The following EEF1AKMT2 variants were observed in gnomAD, a reference collection of about 807,000 sequenced individuals.
EEF1AKMT2 encodes the protein EEF1A lysine methyltransferase 2.
EEF1AKMT2 carries 32 observed loss-of-function variants against 35.8 expected under a neutral mutation model. The ratio of observed to expected loss-of-function variants is 0.89; its 90% confidence interval spans 0.67 to 1.20. The LOEUF is 1.20. Ranked by LOEUF, EEF1AKMT2 falls within the 50% of genes most tolerant of loss-of-function variation. EEF1AKMT2 has a pLI of 0.00. For missense variants in EEF1AKMT2, 330 were observed against 347.5 expected, an observed-to-expected ratio of 0.95 and a Z score of 0.40; for synonymous variants, 121 against 133.7, an observed-to-expected ratio of 0.91 and a Z score of 0.65.
At chr10:124,769,469 G>C (rs1193377892) in intron 4 of EEF1AKMT2, among the ~76,000 whole-genome samples, 1 of 151,706 alleles carries the variant, frequency 6.6e-6, no homozygotes. Context: ...TGGAAGTTTT[G>C]AACAGGCAGA....
At chr10:124,762,185 TC>T in intron 6 of EEF1AKMT2, 114 bp downstream of exon 6, 1 of 816,264 alleles carries the variant, frequency 1.2e-6, no homozygotes. Context: ...GCCATCAAAT[TC>T]ACTGTGATTT....
chr10:124,788,484 T>C (rs1361369946), intron 3 of EEF1AKMT2, among the ~76,000 whole-genome samples: 2 of 151,876 alleles, frequency 1.3e-5, no homozygotes, highest in African/African-American at 2.4e-5. Flanking sequence ...TTTATTTCTG[T>C]ACTAATTAAG....
At chr10:124,787,229 T>C (rs1031878871) in intron 3 of EEF1AKMT2, among the ~76,000 whole-genome samples, 5 of 152,002 alleles carry the variant, frequency 3.3e-5, no homozygotes, top group Non-Finnish European at 1.5e-5. Context: ...ATTACAGGCA[T>C]GAGCCACAGC....
At chr10:124,784,602 G>C (rs1204526508) in intron 3 of EEF1AKMT2, among the ~76,000 whole-genome samples, 2 of 139,306 alleles carry the variant, frequency 1.4e-5, no homozygotes, top group Non-Finnish European at 3.2e-5. Flanking sequence ...AAATCAGGAA[G>C]AAAAAAAAAA....
At chr10:124,766,496 C>T (rs772826482) in intron 4 of EEF1AKMT2, among the ~76,000 whole-genome samples, 16 of 152,062 alleles carry the variant, frequency 1.1e-4, no homozygotes, top group Non-Finnish European at 1.9e-4. Context: ...AGCAATCCGC[C>T]TCAATTTTAT....
chr10:124,761,408 GTATGT>G (rs1950330182), intron 6 of EEF1AKMT2, among the ~76,000 whole-genome samples: 1 of 152,072 alleles, frequency 6.6e-6, no homozygotes, highest in Non-Finnish European at 1.5e-5. Context: ...TTATAAAATG[GTATGT>G]TATGTGTATT....
In EEF1AKMT2 at chr10:124,759,032, TA is replaced by T. The variant is rs1342468214; in HGVS notation, c.*1470del. ...CCCCTCCCCAAAAAGAAAAGGGACG[TA>T]ATGTTAGACTTACTCAATACAGGAG... On this transcript the variant is annotated 3_prime_UTR_variant, in exon 7 of 7. Transcript: ENST00000368836. 6.6e-6 allele frequency: 1 copy of T among 152,180 alleles called. No homozygotes were observed. The highest frequency in any genetic ancestry group is 1.5e-5 in the Non-Finnish European group (1 of 68,028). 9.4% of individuals were successfully genotyped at this position (152,180 alleles called of 1,614,324 possible). A position where few individuals can be genotyped will look rare whatever the true frequency, so the allele number is the denominator to read the frequency against.
At chr10:124,784,492 T>A (rs745748029) in intron 3 of EEF1AKMT2, among the ~76,000 whole-genome samples, 16 of 151,888 alleles carry the variant, frequency 1.1e-4, no homozygotes, top group Non-Finnish European at 1.6e-4. Flanking sequence ...TGCTTACTGA[T>A]AAATTCATAG....
In EEF1AKMT2 at chr10:124,783,633, AACTT is replaced by A. The variant is rs1368734382; in HGVS notation, c.291+5406_291+5409del. On this transcript the variant is annotated intron_variant, in intron 3 of 6. Coordinates refer to ENST00000368836, the MANE Select transcript of EEF1AKMT2 (RefSeq NM_212554.4). ...AAGTGAAAACATATGTACACACAAA[AACTT>A]ACATATGAATTTTCCTTTGTTTTTG... 2.6e-5 allele frequency among the ~76,000 whole-genome samples: 4 copies of A among 151,880 alleles called. No individual in the cohort carries two copies. In the East Asian group the frequency reaches 7.8e-4, roughly 29 times the overall value.
chr10:124,785,246 C>CAAAAAAA (rs35915292), intron 3 of EEF1AKMT2, among the ~76,000 whole-genome samples: 17 of 61,362 alleles, frequency 2.8e-4, no homozygotes, highest in African/African-American at 5.1e-4. Context: ...GACTCCGTCT[C>CAAAAAAA]AAAAAAAAAA....
chr10:124,772,419 T>G (rs1950444893), intron 4 of EEF1AKMT2, among the ~76,000 whole-genome samples: 1 of 131,074 alleles, frequency 7.6e-6, no homozygotes, highest in African/African-American at 2.7e-5. Flanking sequence ...CTTTTCTTTT[T>G]CTTTTTTTTT....
intron 4 of EEF1AKMT2, among the ~76,000 whole-genome samples, chr10:124,770,189 C>T (rs1428849494): frequency 2.0e-5 from 3 of 151,770 alleles, no homozygotes; most frequent in Admixed American, 6.6e-5. Context: ...GGGGCCGAGG[C>T]GGGTGGATCA....
At chr10:124,781,583 T>G (rs111771026) in intron 3 of EEF1AKMT2, among the ~76,000 whole-genome samples, 5,297 of 136,614 alleles carry the variant, frequency 0.039, 145 homozygotes, top group South Asian at 0.096. Context: ...AGAGTGAGAC[T>G]GTGTCTCAAA....
chr10:124,789,733 G>A (rs1171301584), intron 2 of EEF1AKMT2, among the ~76,000 whole-genome samples: 1 of 148,916 alleles, frequency 6.7e-6, no homozygotes, highest in Non-Finnish European at 1.5e-5. Context: ...ACTCCAGCCT[G>A]GATGACAGAA....
chr10:124,785,376 CA>C (rs1301333690), intron 3 of EEF1AKMT2, among the ~76,000 whole-genome samples: 1 of 151,314 alleles, frequency 6.6e-6, no homozygotes, highest in Non-Finnish European at 1.5e-5. Flanking sequence ...AAGCATGATC[CA>C]AAAAAGGAAA....
At chr10:124,785,368 G>A (rs1439278184) in intron 3 of EEF1AKMT2, among the ~76,000 whole-genome samples, 1 of 150,224 alleles carries the variant, frequency 6.7e-6, no homozygotes, top group Non-Finnish European at 1.5e-5. Context: ...TACAACAAAA[G>A]CATGATCCAA....
chr10:124,764,848 T>TAA (rs1415416116), intron 5 of EEF1AKMT2, among the ~76,000 whole-genome samples: 19 of 152,372 alleles, frequency 1.2e-4, no homozygotes, highest in Admixed American at 3.9e-4. Context: ...ATTCTATAAA[T>TAA]AATAGATTAT....
chr10:124,772,864 G>A (rs1019880728), intron 4 of EEF1AKMT2, among the ~76,000 whole-genome samples: 6 of 152,242 alleles, frequency 3.9e-5, no homozygotes, highest in African/African-American at 1.4e-4. Context: ...GCTGTGGCTT[G>A]AGAGAATGCT....
Position 124,768,775 on chromosome 10 carries a change from C to A in EEF1AKMT2, c.400-3167G>T, listed in dbSNP as rs140730404. 2.4e-3 allele frequency among the ~76,000 whole-genome samples: 357 copies of A among 151,882 alleles called. 4 individuals are homozygous for A. The highest frequency in any genetic ancestry group is 6.8e-3 in the Middle Eastern group (2 of 294). On this transcript the variant is annotated intron_variant, in intron 4 of 6. Coordinates refer to ENST00000368836, the MANE Select transcript of EEF1AKMT2 (RefSeq NM_212554.4). ...AAAAAATAACAAAGAAAAAATCACT[C>A]TGGCTGCCCTGTGGTAAAAGAACAT...
Sources: gnomAD v4.1 joint callset for allele counts (sites outside exome capture counted in the v4.1 genomes callset) on GRCh38, gnomAD v4.1.1 for gene constraint, MANE v1.5 for transcripts, NCBI Gene and HGNC (gene_info 2026-07-23, HGNC 2026-07-21) for gene names.